Variants in ABI1 observed in about 807,000 individuals in gnomAD.
ABI1 encodes abl interactor 1, also known as Abelson interactor 1.
A neutral mutation model predicts 54.6 loss-of-function variants in ABI1; 14 were observed. The ratio of observed to expected loss-of-function variants is 0.26; its 90% confidence interval spans 0.17 to 0.40. The LOEUF is 0.40. ABI1 is among the 10% of genes least tolerant of loss of function. ABI1 has a pLI of 1.00. For missense variants in ABI1, 443 were observed against 598.3 expected (o/e 0.74, Z 2.71); for synonymous variants, 194 against 209.3 (o/e 0.93, Z 0.63).
At chr10:26,766,334 G>A (rs1219147564) in intron 6 of ABI1, among the ~76,000 whole-genome samples, 3 of 152,106 alleles carry the variant, frequency 2.0e-5, no homozygotes, top group African/African-American at 7.2e-5. Flanking sequence ...AAGATCTTGT[G>A]CCATCCAGTT....
rs527806835 is a variant in ABI1, at chr10:26,748,486, A to G, written c.*84T>C. The G allele has an allele frequency of 7.7e-4, 796 of 1,030,604 alleles. 1 individual carries two copies. Among genetic ancestry groups the G allele is most frequent in the Non-Finnish European group, 9.2e-4 (675 of 737,088 alleles). The allele number at this position is 1,030,604 out of a possible 1,614,324, so 63.8% of individuals were successfully genotyped here. A position where few individuals can be genotyped will look rare whatever the true frequency, so the allele number is the denominator to read the frequency against. On this transcript the variant is annotated 3_prime_UTR_variant, in exon 11 of 11. Transcript: ENST00000376140. The stretch of plus-strand genomic sequence containing the variant: ...TTCTGAAAATATGGGCACATTTTAA[A>G]ACATATTAAGACAGTTCTGTTAACC...
At chr10:26,765,183 A>C in intron 7 of ABI1, 35 bp downstream of exon 7, 1 of 1,379,948 alleles carries the variant, frequency 7.2e-7, no homozygotes, top group Non-Finnish European at 1.0e-6. Flanking sequence ...CATAAATATT[A>C]TCATGTATTA....
intron 7 of ABI1, chr10:26,763,971 A>C: frequency 6.2e-7 from 1 of 1,603,374 alleles, no homozygotes; most frequent in African/African-American, 1.3e-5. Context: ...CTAATAAAAT[A>C]GTTTATAATT....
chr10:26,753,232 C>T (rs970764794), intron 9 of ABI1, among the ~76,000 whole-genome samples: 1 of 152,080 alleles, frequency 6.6e-6, no homozygotes, highest in Non-Finnish European at 1.5e-5. Context: ...ACCTATCAAA[C>T]GGGTCTACAA....
chr10:26,831,307 C>T (rs2048656568), intron 1 of ABI1, among the ~76,000 whole-genome samples: 1 of 151,946 alleles, frequency 6.6e-6, no homozygotes, highest in Non-Finnish European at 1.5e-5. Flanking sequence ...GTTTGGGAGG[C>T]CCAGGCAGGT....
intron 1 of ABI1, among the ~76,000 whole-genome samples, chr10:26,842,662 T>A (rs2049613952): frequency 6.6e-6 from 1 of 152,034 alleles, no homozygotes; most frequent in Non-Finnish European, 1.5e-5. Flanking sequence ...ACAAGAAAAT[T>A]CAAAATACAA....
chr10:26,790,418 C>T (rs909687420), intron 2 of ABI1: 3 of 151,874 alleles, frequency 2.0e-5, no homozygotes, highest in African/African-American at 4.8e-5. Flanking sequence ...GATTGTTGGC[C>T]GCACATGTAT....
intron 1 of ABI1, among the ~76,000 whole-genome samples, chr10:26,831,486 T>A (rs1055809514): frequency 2.0e-5 from 3 of 152,072 alleles, no homozygotes; most frequent in African/African-American, 7.2e-5. Context: ...GAGCTTGCAG[T>A]GAGCCGAGAT....
intron 2 of ABI1, among the ~76,000 whole-genome samples, chr10:26,788,195 C>G (rs1842940123): frequency 6.6e-6 from 1 of 152,196 alleles, no homozygotes; most frequent in Admixed American, 6.5e-5. Flanking sequence ...TTTTCTCTTG[C>G]TGCCGTCGTG....
intron 1 of ABI1, among the ~76,000 whole-genome samples, chr10:26,850,906 T>C (rs17748178): frequency 1.3e-5 from 2 of 151,936 alleles, no homozygotes; most frequent in South Asian, 2.1e-4. Context: ...GTGAGATGTG[T>C]AGAAAAGAGC....
intron 1 of ABI1, among the ~76,000 whole-genome samples, chr10:26,829,493 T>C (rs529771701): frequency 2.6e-5 from 4 of 152,314 alleles, no homozygotes; most frequent in South Asian, 2.1e-4. Flanking sequence ...AAAGAAACTT[T>C]GTGAGGCAAT....
At chr10:26,817,467 G>A (rs148031193) in intron 2 of ABI1, among the ~76,000 whole-genome samples, 124 of 152,216 alleles carry the variant, frequency 8.1e-4, no homozygotes, top group African/African-American at 2.8e-3. Flanking sequence ...AAAGGCAACA[G>A]GATACCACCA....
At chr10:26,807,622 C>T (rs1310947337) in intron 2 of ABI1, among the ~76,000 whole-genome samples, 1 of 152,134 alleles carries the variant, frequency 6.6e-6, no homozygotes, top group Non-Finnish European at 1.5e-5. Context: ...ACAGCTCAGC[C>T]TGTAATACAG....
chr10:26,823,728 C>T (rs1043212701), intron 1 of ABI1, among the ~76,000 whole-genome samples: 14 of 152,128 alleles, frequency 9.2e-5, no homozygotes, highest in Admixed American at 7.2e-4. Context: ...ATCGGAAATC[C>T]AACTTCCTTG....
chr10:26,782,148 G>A (rs1842189445), intron 2 of ABI1, among the ~76,000 whole-genome samples: 1 of 152,146 alleles, frequency 6.6e-6, no homozygotes. Flanking sequence ...TCAATCAGCT[G>A]ACTCCAGCCA....
In ABI1 at chr10:26,827,033, C is replaced by T. The variant is rs190011453; in HGVS notation, c.118-3728G>A. 6.6e-4 allele frequency among the ~76,000 whole-genome samples: 100 copies of T among 152,098 alleles called. 1 individual carries two copies. The highest frequency in any genetic ancestry group is 2.3e-3 in the African/African-American group (97 of 41,502). ...GGTTCAAGAGATTCTCCTGCCTCAGCCTCCCAAGTAGCTGGGACTACAGGC... is the reference window on the plus strand; with the variant it reads ...GGTTCAAGAGATTCTCCTGCCTCAGTCTCCCAAGTAGCTGGGACTACAGGC... On this transcript the variant is annotated intron_variant, in intron 1 of 10. Coordinates refer to ENST00000376140, the MANE Select transcript of ABI1 (RefSeq NM_001012750.3).
Position 26,818,631 on chromosome 10 carries a change from C to CAAAAAAAAA in ABI1, c.285+4498_285+4506dup, listed in dbSNP as rs376157276. Among the ~76,000 whole-genome samples the CAAAAAAAAA allele has an allele frequency of 9.0e-3, 658 of 72,760 alleles. 39 individuals are homozygous for CAAAAAAAAA. In the East Asian group the frequency reaches 0.11, roughly 12 times the overall value. The allele number at this position is 72,760 out of a possible 152,430, so 47.7% of individuals were successfully genotyped here. A position where few individuals can be genotyped will look rare whatever the true frequency, so the allele number is the denominator to read the frequency against. On this transcript the variant is annotated intron_variant, in intron 2 of 10. Transcript: ENST00000376140. ...TGGACAACAAAGCGAGACCCCGTCA[C>CAAAAAAAAA]AAAAAAAAAAAAAAAAAAGAGCAAA...
rs1166444182 is a variant in ABI1 at position 26,827,817 on chromosome 10, T to C, written c.118-4512A>G. 3.3e-5 allele frequency among the ~76,000 whole-genome samples: 5 copies of C among 152,054 alleles called. No homozygotes were observed. In the East Asian group the frequency reaches 9.6e-4, roughly 29 times the overall value. On this transcript the variant is annotated intron_variant, in intron 1 of 10. Coordinates refer to ENST00000376140, the MANE Select transcript of ABI1 (RefSeq NM_001012750.3). ...CATGCTGGCCAGGCTGGTCTTGAAC[T>C]CCTGTCCCTTGTGATTCCACCCACC...
chr10:26,767,207 C>G (rs1282563369), intron 6 of ABI1, among the ~76,000 whole-genome samples: 1 of 152,106 alleles, frequency 6.6e-6, no homozygotes, highest in African/African-American at 2.4e-5. Context: ...TCAATAACAA[C>G]AAAGAGAACA....
Sources: gnomAD v4.1 joint callset for allele counts (sites outside exome capture counted in the v4.1 genomes callset) on GRCh38, gnomAD v4.1.1 for gene constraint, MANE v1.5 for transcripts, NCBI Gene and HGNC (gene_info 2026-07-23, HGNC 2026-07-21) for gene names.